Variants in LRRC45 observed in about 807,000 individuals in gnomAD.
LRRC45 encodes leucine-rich repeat-containing protein 45.
A neutral mutation model predicts 85.4 loss-of-function variants in LRRC45; 73 were observed. That is an observed-to-expected ratio of 0.85 (90% CI 0.71 to 1.04). The LOEUF is 1.04. Ranked by LOEUF, LRRC45 falls within the 50% of genes least tolerant of loss-of-function variation. The pLI is 0.00. For missense variants in LRRC45, 937 were observed against 883.3 expected (o/e 1.06, Z -0.77); for synonymous variants, 429 against 386.0 (o/e 1.11, Z -1.31).
chr17:82,023,561 G>A lies in LRRC45; in HGVS notation c.-83G>A, dbSNP rs2043333864. On this transcript the variant is annotated 5_prime_UTR_variant, in exon 1 of 17. Transcript: ENST00000306688. The stretch of plus-strand genomic sequence containing the variant: ...GCGGAGGCCCCGTCTCCTGTACCCG[G>A]CGCTGGGACTGCTCCGCACCGCGCG... 2 of 1,278,572 alleles carry A rather than the reference G, an allele frequency of 1.6e-6. No homozygotes were observed. Among genetic ancestry groups the A allele is most frequent in the South Asian group, 1.6e-5 (1 of 64,446 alleles). 79.2% of individuals were successfully genotyped at this position (1,278,572 alleles called of 1,614,324 possible). A position where few individuals can be genotyped will look rare whatever the true frequency, so the allele number is the denominator to read the frequency against.
At chr17:82,026,774 T>C in intron 5 of LRRC45, 125 bp from the exon 6 acceptor site, 1 of 660,428 alleles carries the variant, frequency 1.5e-6, no homozygotes, top group Non-Finnish European at 2.7e-6. Flanking sequence ...CAGATGGGGT[T>C]TCACCATGTT....
intron 5 of LRRC45, 95 bp downstream of exon 5, chr17:82,025,602 G>A (rs2043361965): frequency 7.1e-7 from 1 of 1,405,184 alleles, no homozygotes; most frequent in East Asian, 2.5e-5. Context: ...GAACTGATGA[G>A]GAGAGCAGCC....
In LRRC45 at chr17:82,025,514, T is replaced by C. The variant is rs780563447; in HGVS notation, c.661+7T>C. 17 of 1,574,110 alleles carry C rather than the reference T, an allele frequency of 1.1e-5. No individual in the cohort carries two copies. The highest frequency in any genetic ancestry group is 1.5e-5 in the Non-Finnish European group (17 of 1,160,392). ...GACGTCCTCAGAGCCGTGGGTACGGTGCAGGGCTGTGTGGAGTGACGCGTG... is the reference window on the plus strand; with the variant it reads ...GACGTCCTCAGAGCCGTGGGTACGGCGCAGGGCTGTGTGGAGTGACGCGTG... On this transcript the variant is annotated splice_region_variant and intron_variant, in intron 5 of 16. Coordinates refer to ENST00000306688, the MANE Select transcript of LRRC45 (RefSeq NM_144999.4).
chr17:82,025,358 T>G, intron 4 of LRRC45, 21 bp from the exon 5 acceptor site: 1 of 1,555,470 alleles, frequency 6.4e-7, no homozygotes, highest in Non-Finnish European at 8.7e-7. Flanking sequence ...TTCTGTCTGG[T>G]GACTACAGGT....
intron 12 of LRRC45, 84 bp from the exon 13 acceptor site, chr17:82,029,009 T>G (rs1424157673): frequency 7.9e-7 from 1 of 1,270,456 alleles, no homozygotes; most frequent in Admixed American, 2.2e-5. Flanking sequence ...AAGAGACACC[T>G]GCCTTTCAGG....
In LRRC45 at chr17:82,025,383, G is replaced by T. The variant is rs1264951752; in HGVS notation, c.537G>T (p.Leu179=). Residue 179 remains leucine (L), a synonymous_variant, in exon 5 of 17, where the codon CTG becomes CTT. Transcript: ENST00000306688. The part of the protein sequence containing the change: ...KGNTTLQQLD[L]RWNNVGLLGG... The stretch of plus-strand genomic sequence containing the variant: ...TGACTACAGGTTTCCTTCCAGACCT[G>T]CGCTGGAATAACGTTGGCCTCCTGG... 6.3e-6 allele frequency: 10 copies of T among 1,582,550 alleles called. No individual in the cohort carries two copies. Among genetic ancestry groups the T allele is most frequent in the Non-Finnish European group, 8.6e-6 (10 of 1,163,322 alleles).
Position 82,023,692 on chromosome 17 carries a change from G to A in LRRC45, c.49G>A (p.Ala17Thr). 6.4e-7 allele frequency: 1 copy of A among 1,553,206 alleles called. No individual in the cohort carries two copies. The highest frequency in any genetic ancestry group is 1.2e-5 in the South Asian group (1 of 85,080). ...SYSRLCRESG[A>T]EPQEAVLQQL... ...CAGCCGCCTGTGCAGGGAGAGTGGG[G>A]CCGAGCCCCAGGAGGCTGTCCTGCA... The change falls in exon 1 of 17, where the codon GCC becomes ACC. Residue 17 changes from alanine (A) to threonine (T), a missense_variant. By Grantham distance (58) the Ala-to-Thr change is moderately conservative (BLOSUM62 0). Transcript: ENST00000306688.
Position 82,030,269 on chromosome 17 carries a change from C to T in LRRC45, c.1668+31C>T, listed in dbSNP as rs1220456693. On this transcript the variant is annotated intron_variant, in intron 15 of 16. Coordinates refer to ENST00000306688, the MANE Select transcript of LRRC45 (RefSeq NM_144999.4). The stretch of plus-strand genomic sequence containing the variant: ...CGGGGCTCCGGTGGGGGGCCCCGGG[C>T]GTGCTAGCCCCCAACCCTCGCCTCA... The T allele has an allele frequency of 2.0e-6, 3 of 1,535,316 alleles. No homozygotes were observed. Among genetic ancestry groups the T allele is most frequent in the Non-Finnish European group, 2.6e-6 (3 of 1,136,530 alleles).
At chr17:82,029,721 A>C (rs2144149280) in intron 14 of LRRC45, 86 bp downstream of exon 14, 1 of 1,324,634 alleles carries the variant, frequency 7.5e-7, no homozygotes, top group South Asian at 1.3e-5. Flanking sequence ...CTTCGGTCTG[A>C]GTGGGGAGGC....
chr17:82,027,565 C>T, intron 7 of LRRC45, 109 bp from the exon 8 acceptor site: 1 of 1,535,446 alleles, frequency 6.5e-7, no homozygotes, highest in Non-Finnish European at 9.0e-7. Flanking sequence ...AGGCTCAGTG[C>T]CCAGGCGACC....
Position 82,029,088 on chromosome 17 carries a change from A to G in LRRC45, c.1309-5A>G. On this transcript the variant is annotated splice_region_variant and splice_polypyrimidine_tract_variant and intron_variant, in intron 12 of 16. Coordinates refer to ENST00000306688, the MANE Select transcript of LRRC45 (RefSeq NM_144999.4). ...TCTGGCCCCACAATCCCTGCCCCTG[A>G]GCAGGTGGAGCATATGACCCGTCAC... 1 of 1,611,760 alleles carries G rather than the reference A, an allele frequency of 6.2e-7. No homozygotes were observed. Among genetic ancestry groups the G allele is most frequent in the Non-Finnish European group, 8.5e-7 (1 of 1,179,572 alleles).
intron 2 of LRRC45, 25 bp from the exon 3 acceptor site, chr17:82,024,668 G>A: frequency 6.4e-7 from 1 of 1,563,556 alleles, no homozygotes; most frequent in Non-Finnish European, 8.6e-7. Flanking sequence ...GCACGCGAGT[G>A]ACTACCGGCC....
chr17:82,024,050 C>A, intron 1 of LRRC45, 187 bp downstream of exon 1: 1 of 711,174 alleles, frequency 1.4e-6, no homozygotes. Flanking sequence ...GAGGCCTTAA[C>A]ATTCGCGGTC....
In LRRC45 at chr17:82,025,460, T is replaced by C; in HGVS notation, c.614T>C (p.Leu205Pro). ...CCCAGCAACAGAACCCTGTGGAGAC[T>C]GGACCTGGCTGGGAACAACATCCCT... ...CLPSNRTLWR[L>P]DLAGNNIPGD... The change falls in exon 5 of 17, where the codon CTG (leucine) becomes CCG (proline). Residue 205 changes from leucine (L) to proline (P), a missense_variant. By Grantham distance (98) the Leu-to-Pro change is moderately conservative (BLOSUM62 -3). Coordinates refer to ENST00000306688, the MANE Select transcript of LRRC45 (RefSeq NM_144999.4). 7 of 1,609,660 alleles carry C rather than the reference T, an allele frequency of 4.3e-6. No homozygotes were observed. The highest frequency in any genetic ancestry group is 1.7e-4 in the Middle Eastern group (1 of 6,048).
Position 82,023,329 on chromosome 17 carries a change from G to C in LRRC45, c.-315G>C, listed in dbSNP as rs4310938. The C allele has an allele frequency of 6.7e-6, 3 of 447,564 alleles. No homozygotes were observed. Among genetic ancestry groups the C allele is most frequent in the Non-Finnish European group, 1.2e-5 (3 of 252,454 alleles). The allele number at this position is 447,564 out of a possible 1,614,324, so 27.7% of individuals were successfully genotyped here. A position where few individuals can be genotyped will look rare whatever the true frequency, so the allele number is the denominator to read the frequency against. On this transcript the variant is annotated 5_prime_UTR_variant, in exon 1 of 17. Coordinates refer to ENST00000306688, the MANE Select transcript of LRRC45 (RefSeq NM_144999.4). ...TGTTCTTCCTGGATACTGAGGCCCCGACGCGGCTGTCGCGAGGGCGGGGGT... is the reference window on the plus strand; with the variant it reads ...TGTTCTTCCTGGATACTGAGGCCCCCACGCGGCTGTCGCGAGGGCGGGGGT...
Position 82,030,729 on chromosome 17 carries a change from G to A in LRRC45, c.1937G>A (p.Arg646Lys). ...IARIRDEEAQ[R>K]ASFLQNAVLA... ...CGCATCCGGGACGAGGAGGCCCAGAGGGCGAGCTTCCTGCAGAACGCCGTC... is the reference window on the plus strand; with the variant it reads ...CGCATCCGGGACGAGGAGGCCCAGAAGGCGAGCTTCCTGCAGAACGCCGTC... The change falls in exon 17 of 17, where the codon AGG becomes AAG. Residue 646 changes from arginine (R) to lysine (K), a missense_variant. Physicochemically the swap from Arg to Lys is conservative, Grantham distance 26. Transcript: ENST00000306688. 3 of 1,498,104 alleles carry A rather than the reference G, an allele frequency of 2.0e-6. No homozygotes were observed. The highest frequency in any genetic ancestry group is 2.7e-6 in the Non-Finnish European group (3 of 1,113,708). The allele number at this position is 1,498,104 out of a possible 1,614,324, so 92.8% of individuals were successfully genotyped here.
At chr17:82,026,871 T>G in intron 5 of LRRC45, 28 bp from the exon 6 acceptor site, 1 of 1,568,242 alleles carries the variant, frequency 6.4e-7, no homozygotes, top group Non-Finnish European at 8.6e-7. Context: ...TGAGCCCCTG[T>G]GCCCAGCTGA....
chr17:82,026,564 T>TTGTG (rs550616399), intron 5 of LRRC45, among the ~76,000 whole-genome samples: 7,844 of 137,486 alleles, frequency 0.057, 285 homozygotes, highest in African/African-American at 0.099. Flanking sequence ...CACAGCTCCT[T>TTGTG]TGTGTGTGTG....
In LRRC45 at chr17:82,030,652, C is replaced by A; in HGVS notation, c.1860C>A (p.Ser620Arg). The A allele has an allele frequency of 7.0e-7, 1 of 1,425,386 alleles. No individual in the cohort carries two copies. The highest frequency in any genetic ancestry group is 9.2e-7 in the Non-Finnish European group (1 of 1,083,068). The allele number at this position is 1,425,386 out of a possible 1,614,324, so 88.3% of individuals were successfully genotyped here. The change falls in exon 17 of 17, where the codon AGC becomes AGA. Residue 620 changes from serine (S) to arginine (R), a missense_variant. Ser to Arg is a moderately radical substitution (Grantham distance 110). Transcript: ENST00000306688. ...DHREALLDRE[S>R]ENASLREKLR... is the part of the protein sequence containing the mutation. ...GAGAGGCGCTGCTGGACAGGGAGAG[C>A]GAGAACGCGTCTCTCCGGGAGAAGC... is the stretch of plus-strand genomic sequence containing the variant.
Sources: gnomAD v4.1 joint callset for allele counts (sites outside exome capture counted in the v4.1 genomes callset) on GRCh38, gnomAD v4.1.1 for gene constraint, MANE v1.5 for transcripts, NCBI Gene and HGNC (gene_info 2026-07-23, HGNC 2026-07-21) for gene names.